The following KLF3 variants were observed in gnomAD, a reference collection of about 807,000 sequenced individuals.
KLF3 encodes the protein KLF transcription factor 3.
In KLF3, 6 loss-of-function variants were observed where a neutral mutation model predicts 32.7. That is an observed-to-expected ratio of 0.18 (90% CI 0.10 to 0.36). The LOEUF (loss-of-function observed/expected upper bound fraction) is 0.36. Ranked by LOEUF, KLF3 falls within the 10% of genes least tolerant of loss-of-function variation. KLF3 has a pLI of 1.00. For missense variants in KLF3, 338 were observed against 449.7 expected (o/e 0.75, Z 2.25); for synonymous variants, 145 against 172.8 (o/e 0.84, Z 1.26).
At chr4:38,693,517 A>C (rs181409597) in intron 4 of KLF3, among the ~76,000 whole-genome samples, 1 of 152,110 alleles carries the variant, frequency 6.6e-6, no homozygotes, top group Admixed American at 6.5e-5. Context: ...TTTATGGATA[A>C]ATTTCTTTTA....
intron 1 of KLF3, among the ~76,000 whole-genome samples, chr4:38,667,096 A>G (rs1722067585): frequency 6.6e-6 from 1 of 152,228 alleles, no homozygotes; most frequent in Non-Finnish European, 1.5e-5. Context: ...TAAATAGGGC[A>G]GGTCCCCTGT....
In KLF3 at chr4:38,674,879, A is replaced by G. The variant is rs1722296747; in HGVS notation, c.-39-5708A>G. ...GTCTGTAAGGTCGTTTCTGTAATAA[A>G]TCATGCTCTAGCCTCCAGGCAAGCT... On this transcript the variant is annotated intron_variant, in intron 1 of 5. Transcript: ENST00000261438. This position sits in a 1 kb window ranked among gnomAD's most constrained non-coding sequence, Gnocchi z 4.1. Among the ~76,000 whole-genome samples the G allele has an allele frequency of 6.6e-6, 1 of 152,182 alleles. No individual in the cohort carries two copies. The highest frequency in any genetic ancestry group is 2.4e-5 in the African/African-American group (1 of 41,442).
chr4:38,696,647 C>T (rs541433354), intron 5 of KLF3, among the ~76,000 whole-genome samples: 19 of 152,308 alleles, frequency 1.2e-4, no homozygotes, highest in South Asian at 6.2e-4. Flanking sequence ...TTAGAGACTT[C>T]ATATTTTTGG....
intron 1 of KLF3, among the ~76,000 whole-genome samples, chr4:38,676,115 ATCTTG>A (rs1345764331): frequency 6.6e-6 from 1 of 152,142 alleles, no homozygotes; most frequent in Non-Finnish European, 1.5e-5. Context: ...TGGCTTCCCT[ATCTTG>A]TCTTTGTTAA....
At chr4:38,670,488 T>C (rs1722168748) in intron 1 of KLF3, among the ~76,000 whole-genome samples, 1 of 152,250 alleles carries the variant, frequency 6.6e-6, no homozygotes, top group African/African-American at 2.4e-5. Flanking sequence ...GTTTTTTCTC[T>C]GGCCTATATG....
rs577252382 is a variant in KLF3 at position 38,688,135 on chromosome 4, A to G, written c.58-450A>G. Reference sequence around the variant, plus strand: ...CTGTCCTGCCGAAGTTAGACATCAAAGCTAGAGAGCATTTCCTGCTCATCA... The same window carrying G: ...CTGTCCTGCCGAAGTTAGACATCAAGGCTAGAGAGCATTTCCTGCTCATCA... On this transcript the variant is annotated intron_variant, in intron 2 of 5. Coordinates refer to ENST00000261438, the MANE Select transcript of KLF3 (RefSeq NM_016531.6). The surrounding 1 kb of genome is among the most constrained non-coding windows in gnomAD (Gnocchi z 4.9). Among the ~76,000 whole-genome samples the G allele has an allele frequency of 6.6e-6, 1 of 152,350 alleles. No homozygotes were observed. Among genetic ancestry groups the G allele is most frequent in the Admixed American group, 6.5e-5 (1 of 15,304 alleles).
chr4:38,693,115 TAC>T, intron 4 of KLF3, among the ~76,000 whole-genome samples: 1 of 38,100 alleles, frequency 2.6e-5, no homozygotes, highest in Non-Finnish European at 5.6e-5. Flanking sequence ...TACATATATA[TAC>T]ATATATATAT....
rs993315906 is a variant in KLF3 at position 38,699,077 on chromosome 4, G to C, written c.*1814G>C. The C allele has an allele frequency of 6.6e-6, 1 of 152,180 alleles. No individual in the cohort carries two copies. Among genetic ancestry groups the C allele is most frequent in the East Asian group, 1.9e-4 (1 of 5,196 alleles). 9.4% of individuals were successfully genotyped at this position (152,180 alleles called of 1,614,324 possible). On this transcript the variant is annotated 3_prime_UTR_variant, in exon 6 of 6. Transcript: ENST00000261438. ...GGACTGTGCACCTAAGAGGCTAAGA[G>C]GTCCCACTCATCCGCCCTGTGAACC...
intron 4 of KLF3, among the ~76,000 whole-genome samples, chr4:38,692,304 A>G (rs969075355): frequency 1.3e-5 from 2 of 152,206 alleles, no homozygotes; most frequent in African/African-American, 4.8e-5. Flanking sequence ...AAGACTCTTC[A>G]TCTAGCCTTG....
chr4:38,682,114 A>G (rs1043224644), intron 2 of KLF3, among the ~76,000 whole-genome samples: 3 of 152,270 alleles, frequency 2.0e-5, no homozygotes, highest in African/African-American at 7.2e-5. Flanking sequence ...GCGGGAGTGC[A>G]GTGGTGTGAC....
rs899254964 is a variant in KLF3 at position 38,674,702 on chromosome 4, A to T, written c.-39-5885A>T. On this transcript the variant is annotated intron_variant, in intron 1 of 5. Coordinates refer to ENST00000261438, the MANE Select transcript of KLF3 (RefSeq NM_016531.6). The surrounding 1 kb of genome is among the most constrained non-coding windows in gnomAD (Gnocchi z 4.1). The stretch of plus-strand genomic sequence containing the variant: ...CACCCTTTGAGGATCTGTGGGAAGA[A>T]ATGAGGGCATGGAGAAAGGAAGAAA... 6.6e-6 allele frequency among the ~76,000 whole-genome samples: 1 copy of T among 152,146 alleles called. No individual in the cohort carries two copies. Among genetic ancestry groups the T allele is most frequent in the African/African-American group, 2.4e-5 (1 of 41,486 alleles).
intron 4 of KLF3, among the ~76,000 whole-genome samples, chr4:38,693,342 GT>G (rs905339196): frequency 0.014 from 1,980 of 143,768 alleles, 50 homozygotes; most frequent in African/African-American, 0.046. Context: ...AATAAATAAT[GT>G]TTTTTTTAAA....
chr4:38,664,255 G>A lies in KLF3; in HGVS notation c.-246G>A, dbSNP rs1182235314. ...CCGGAGTTGGTGCCAGGAGCCAGAGGGGAGCCAGGAGCGGAGCCGCGCGGA... is the reference window on the plus strand; with the variant it reads ...CCGGAGTTGGTGCCAGGAGCCAGAGAGGAGCCAGGAGCGGAGCCGCGCGGA... On this transcript the variant is annotated 5_prime_UTR_variant, in exon 1 of 6. Transcript: ENST00000261438. 6.6e-6 allele frequency: 1 copy of A among 152,082 alleles called. No homozygotes were observed. Among genetic ancestry groups the A allele is most frequent in the African/African-American group, 2.4e-5 (1 of 41,396 alleles). The allele number at this position is 152,082 out of a possible 1,614,324, so 9.4% of individuals were successfully genotyped here.
chr4:38,677,166 C>T (rs1579120695), intron 1 of KLF3, among the ~76,000 whole-genome samples: 2 of 151,958 alleles, frequency 1.3e-5, no homozygotes, highest in East Asian at 1.9e-4. Flanking sequence ...TTCACCACGT[C>T]GGCAAGGCTG....
At chr4:38,673,065 G>A (rs1401736397) in intron 1 of KLF3, among the ~76,000 whole-genome samples, 1 of 152,198 alleles carries the variant, frequency 6.6e-6, no homozygotes, top group East Asian at 1.9e-4. Flanking sequence ...ATTTTTAAAG[G>A]GAGAGGGTAG....
intron 4 of KLF3, among the ~76,000 whole-genome samples, chr4:38,693,349 T>TAA (rs1224914379): frequency 2.0e-4 from 30 of 146,428 alleles, no homozygotes; most frequent in African/African-American, 6.5e-4. Flanking sequence ...AATGTTTTTT[T>TAA]TAAAAAAAAA....
chr4:38,687,702 T>C (rs1372452371), intron 2 of KLF3, among the ~76,000 whole-genome samples: 1 of 152,212 alleles, frequency 6.6e-6, no homozygotes, highest in African/African-American at 2.4e-5. Flanking sequence ...GTGAGTCATA[T>C]CACGTTAGCT....
intron 2 of KLF3, among the ~76,000 whole-genome samples, chr4:38,683,027 T>G (rs1244388866): frequency 6.6e-6 from 1 of 152,224 alleles, no homozygotes; most frequent in Non-Finnish European, 1.5e-5. Flanking sequence ...TAAAATGATT[T>G]TACTTAAACA....
chr4:38,667,510 G>A (rs1722081685), intron 1 of KLF3, among the ~76,000 whole-genome samples: 1 of 152,172 alleles, frequency 6.6e-6, no homozygotes, highest in Non-Finnish European at 1.5e-5. Flanking sequence ...TTGCTCCACT[G>A]CATTTGTCTG....
Sources: allele counts gnomAD v4.1 joint callset (sites outside exome capture counted in the v4.1 genomes callset), GRCh38; gene constraint gnomAD v4.1.1; non-coding constraint Gnocchi (gnomAD v3.1); transcripts MANE v1.5; gene names NCBI Gene and HGNC (gene_info 2026-07-23, HGNC 2026-07-21).